Variants in CAMK2B observed in about 807,000 individuals in gnomAD.
CAMK2B encodes calcium/calmodulin-dependent protein kinase type II subunit beta.
CAMK2B carries 27 observed loss-of-function variants against 93.7 expected under a neutral mutation model. That is an observed-to-expected ratio of 0.29 (90% CI 0.21 to 0.40). CAMK2B has a LOEUF of 0.40. Among genes scored for constraint, CAMK2B ranks in the 10% least tolerant of loss-of-function variants. The probability of loss-of-function intolerance (pLI) is 1.00; values close to 1 mark genes in which losing one functional copy is unlikely to be tolerated. For synonymous variants in CAMK2B, 374 were observed against 358.8 expected (o/e 1.04, Z -0.48); for missense variants, 568 against 895.8 (o/e 0.63, Z 4.67).
At chr7:44,234,843 A>G (rs1347634895) in intron 13 of CAMK2B, among the ~76,000 whole-genome samples, 167 bp from the exon 14 acceptor site, 1 of 152,102 alleles carries the variant, frequency 6.6e-6, no homozygotes, top group Non-Finnish European at 1.5e-5. Flanking sequence ...TGGGGGGGCC[A>G]TCCCATCACC....
intron 4 of CAMK2B, among the ~76,000 whole-genome samples, chr7:44,255,106 G>A (rs974661326): frequency 4.6e-5 from 7 of 151,982 alleles, no homozygotes; most frequent in African/African-American, 7.2e-5. Context: ...GGTGGCCCTC[G>A]CACAGGATCA....
chr7:44,253,616 G>A (rs1448049808), intron 5 of CAMK2B, among the ~76,000 whole-genome samples: 1 of 150,742 alleles, frequency 6.6e-6, no homozygotes, highest in Non-Finnish European at 1.5e-5. Context: ...TTATTTTTTG[G>A]AGACAGGGTC....
chr7:44,233,524 TC>T (rs995165785), intron 15 of CAMK2B, among the ~76,000 whole-genome samples: 4 of 152,116 alleles, frequency 2.6e-5, no homozygotes, highest in African/African-American at 9.7e-5. Context: ...GGCCTGGGGT[TC>T]TCAGGGGACA....
intron 2 of CAMK2B, among the ~76,000 whole-genome samples, chr7:44,274,261 AC>A (rs2097008409): frequency 6.6e-6 from 1 of 152,090 alleles, no homozygotes; most frequent in African/African-American, 2.4e-5. Flanking sequence ...CGCTGTGCAG[AC>A]CTGTCACAGG....
intron 1 of CAMK2B, among the ~76,000 whole-genome samples, chr7:44,285,119 C>T (rs149937177): frequency 6.6e-6 from 1 of 152,324 alleles, no homozygotes; most frequent in East Asian, 1.9e-4. Context: ...GTCAGTGCCA[C>T]CCAATGGGAG....
At chr7:44,276,956 T>C (rs1051884655) in intron 2 of CAMK2B, among the ~76,000 whole-genome samples, 1 of 152,212 alleles carries the variant, frequency 6.6e-6, no homozygotes, top group Non-Finnish European at 1.5e-5. Context: ...GCGTCGATGA[T>C]GCCAGGAGCT....
chr7:44,284,956 C>G (rs1784651973), intron 1 of CAMK2B, among the ~76,000 whole-genome samples: 1 of 152,148 alleles, frequency 6.6e-6, no homozygotes, highest in African/African-American at 2.4e-5. Context: ...ACAGAGGGAG[C>G]TGACCAGCAT....
intron 20 of CAMK2B, among the ~76,000 whole-genome samples, chr7:44,221,674 C>A (rs112454213): frequency 0.011 from 1,674 of 152,314 alleles, 22 homozygotes; most frequent in African/African-American, 0.038. Flanking sequence ...TGCCCCGCAC[C>A]CCCATGCCCG....
intron 1 of CAMK2B, among the ~76,000 whole-genome samples, chr7:44,294,459 G>C (rs1787740050): frequency 6.6e-6 from 1 of 152,210 alleles, no homozygotes. Context: ...TGCTTGCCCA[G>C]GGATGGTGGG....
At chr7:44,230,883 CCCT>C (rs777386675) in intron 17 of CAMK2B, 120 bp downstream of exon 17, 18 of 767,486 alleles carry the variant, frequency 2.3e-5, no homozygotes, top group Non-Finnish European at 3.7e-5. Flanking sequence ...GTCCCTGAGC[CCCT>C]CAACACATGC....
chr7:44,323,247 G>A (rs1188830687), intron 1 of CAMK2B, among the ~76,000 whole-genome samples: 1 of 152,268 alleles, frequency 6.6e-6, no homozygotes, highest in Non-Finnish European at 1.5e-5. Flanking sequence ...CCTGGCTTGG[G>A]CATCTCCTCT....
At chr7:44,246,576 G>A (rs527697297) in intron 6 of CAMK2B, among the ~76,000 whole-genome samples, 5 of 151,860 alleles carry the variant, frequency 3.3e-5, no homozygotes, top group South Asian at 2.1e-4. Flanking sequence ...CCCCACACAC[G>A]TGCATGCACA....
rs2096689748 is a variant in CAMK2B at position 44,242,480 on chromosome 7, T to C, written c.696+80A>G. ...CTGGCCACAGGTGGCTTCACCCCAC[T>C]CCTAGCCTCTTCCCACGCTGCCCTC... On this transcript the variant is annotated intron_variant, in intron 9 of 23. Transcript: ENST00000395749. The C allele has an allele frequency of 2.7e-6, 4 of 1,506,106 alleles. No individual in the cohort carries two copies. In the South Asian group the frequency reaches 3.6e-5, roughly 14 times the overall value. The allele number at this position is 1,506,106 out of a possible 1,614,324, so 93.3% of individuals were successfully genotyped here.
At chr7:44,300,020 C>CTGTGTCTGTGTGTGTG (rs71011968) in intron 1 of CAMK2B, among the ~76,000 whole-genome samples, 15 of 141,706 alleles carry the variant, frequency 1.1e-4, no homozygotes, top group South Asian at 2.3e-4. Flanking sequence ...GTGTATGTGT[C>CTGTGTCTGTGTGTGTG]TGTGTGTGTG....
chr7:44,252,945 A>G (rs1456177421), intron 5 of CAMK2B, among the ~76,000 whole-genome samples: 2 of 152,222 alleles, frequency 1.3e-5, no homozygotes, highest in East Asian at 3.8e-4. Flanking sequence ...GGATCCTTAG[A>G]AAAGAAGCCA....
chr7:44,258,761 G>T, intron 4 of CAMK2B, 111 bp downstream of exon 4: 1 of 935,442 alleles, frequency 1.1e-6, no homozygotes, highest in Non-Finnish European at 1.7e-6. Flanking sequence ...ACTCAAGGGA[G>T]TGGCCAGCCC....
Position 44,317,264 on chromosome 7 carries a change from A to G in CAMK2B, c.65+8093T>C, listed in dbSNP as rs887744224. 4.6e-5 allele frequency among the ~76,000 whole-genome samples: 7 copies of G among 150,552 alleles called. No homozygotes were observed. In the East Asian group the frequency reaches 1.4e-3, roughly 29 times the overall value. On this transcript the variant is annotated intron_variant, in intron 1 of 23. Transcript: ENST00000395749. ...AGGAAAAATGAAAAAAAAAAAAAAA[A>G]GCATGGTGATTTTGAAGCTCTGGCC...
chr7:44,233,029 G>A (rs1014887593), intron 15 of CAMK2B, among the ~76,000 whole-genome samples, 163 bp from the exon 16 acceptor site: 5 of 152,128 alleles, frequency 3.3e-5, no homozygotes, highest in East Asian at 1.9e-4. Context: ...TGGAGGCGGC[G>A]TGGAGCAGCT....
chr7:44,313,289 C>T (rs951420877), intron 1 of CAMK2B, among the ~76,000 whole-genome samples: 3 of 152,148 alleles, frequency 2.0e-5, no homozygotes, highest in South Asian at 2.1e-4. Flanking sequence ...CAATGGAAGT[C>T]GTCCTGCTGC....
Sources: gnomAD v4.1 joint callset for allele counts (sites outside exome capture counted in the v4.1 genomes callset) on GRCh38, gnomAD v4.1.1 for gene constraint, MANE v1.5 for transcripts, NCBI Gene and HGNC (gene_info 2026-07-23, HGNC 2026-07-21) for gene names.